Variants in HS6ST3 observed in about 807,000 individuals in gnomAD.
The protein encoded by HS6ST3 is heparan sulfate 6-O-sulfotransferase 3.
Under a neutral mutation model 36.7 loss-of-function variants are expected in HS6ST3, and 12 were observed. That is an observed-to-expected ratio of 0.33 (90% CI 0.21 to 0.53). The LOEUF is 0.53. Ranked by LOEUF, HS6ST3 falls within the 20% of genes least tolerant of loss-of-function variation. HS6ST3 has a pLI of 0.95. For missense variants in HS6ST3, 584 were observed against 640.9 expected (o/e 0.91, Z 0.96); for synonymous variants, 240 against 257.5 (o/e 0.93, Z 0.65).
chr13:96,743,864 C>T (rs1876500912), intron 1 of HS6ST3, among the ~76,000 whole-genome samples: 1 of 151,996 alleles, frequency 6.6e-6, no homozygotes, highest in Non-Finnish European at 1.5e-5. Flanking sequence ...TTTATTGGAG[C>T]ATGGTACTAC....
intron 1 of HS6ST3, among the ~76,000 whole-genome samples, chr13:96,131,787 A>G (rs1009632363): frequency 1.3e-5 from 2 of 151,228 alleles, no homozygotes; most frequent in Admixed American, 6.6e-5. Flanking sequence ...CCTAGAAAAT[A>G]AAATGTCTAA....
Position 96,451,463 on chromosome 13 carries a change from G to C in HS6ST3, c.707+359894G>C, listed in dbSNP as rs2055727744. Among the ~76,000 whole-genome samples the C allele has an allele frequency of 1.3e-5, 2 of 151,976 alleles. 1 individual carries two copies. Among genetic ancestry groups the C allele is most frequent in the South Asian group, 4.2e-4 (2 of 4,816 alleles). On this transcript the variant is annotated intron_variant, in intron 1 of 1. Coordinates refer to ENST00000376705, the MANE Select transcript of HS6ST3 (RefSeq NM_153456.4). ...GCTTTATCTTAGCTTTCCAAGCAAG[G>C]GTATTAATTTAATTCAGATGCTGCA... is the stretch of plus-strand genomic sequence containing the variant.
At chr13:96,490,658 T>C (rs1362945025) in intron 1 of HS6ST3, among the ~76,000 whole-genome samples, 2 of 152,198 alleles carry the variant, frequency 1.3e-5, no homozygotes, top group African/African-American at 4.8e-5. Context: ...ATGGTTCTGA[T>C]GTCACTTGAG....
chr13:96,739,338 T>C (rs1386635426), intron 1 of HS6ST3, among the ~76,000 whole-genome samples: 1 of 151,622 alleles, frequency 6.6e-6, no homozygotes, highest in Admixed American at 6.6e-5. Flanking sequence ...TGCCTTTGAC[T>C]CTCGAGTGTT....
chr13:96,487,362 A>C (rs1250996898), intron 1 of HS6ST3, among the ~76,000 whole-genome samples: 1 of 152,080 alleles, frequency 6.6e-6, no homozygotes, highest in East Asian at 1.9e-4. Context: ...TGTTGAGTTG[A>C]TGTTGGCTTA....
chr13:96,318,414 C>G (rs187614757), intron 1 of HS6ST3, among the ~76,000 whole-genome samples: 1 of 152,172 alleles, frequency 6.6e-6, no homozygotes, highest in Non-Finnish European at 1.5e-5. Flanking sequence ...TGCCTGTAAT[C>G]CCAGCTACTT....
chr13:96,733,535 G>A (rs1250402327), intron 1 of HS6ST3, among the ~76,000 whole-genome samples: 1 of 152,048 alleles, frequency 6.6e-6, no homozygotes, highest in African/African-American at 2.4e-5. Flanking sequence ...TCTTATTCCA[G>A]GTAGTGTTAT....
intron 1 of HS6ST3, among the ~76,000 whole-genome samples, chr13:96,490,167 A>C (rs945096088): frequency 3.3e-5 from 5 of 152,194 alleles, no homozygotes; most frequent in African/African-American, 9.7e-5. Context: ...ATTCTTTAAA[A>C]TATTTTTGGA....
At chr13:96,682,361 C>T (rs1240741926) in intron 1 of HS6ST3, among the ~76,000 whole-genome samples, 2 of 152,088 alleles carry the variant, frequency 1.3e-5, no homozygotes, top group Non-Finnish European at 2.9e-5. Flanking sequence ...AAAATCTTGC[C>T]TCCTGAAGCT....
chr13:96,152,564 C>T (rs2054091498), intron 1 of HS6ST3, among the ~76,000 whole-genome samples: 1 of 152,068 alleles, frequency 6.6e-6, no homozygotes, highest in Non-Finnish European at 1.5e-5. Flanking sequence ...GTCTCCATCT[C>T]CTGACCTTGC....
intron 1 of HS6ST3, among the ~76,000 whole-genome samples, chr13:96,448,630 A>G (rs557754596): frequency 1.8e-4 from 27 of 151,880 alleles, no homozygotes; most frequent in African/African-American, 6.5e-4. Context: ...GCCCCTGTAC[A>G]TTTTTTCCTT....
rs556005249 is a variant in HS6ST3 at position 96,509,297 on chromosome 13, G to C, written c.708-323193G>C. 2.0e-5 allele frequency among the ~76,000 whole-genome samples: 3 copies of C among 152,156 alleles called. No individual in the cohort carries two copies. The East Asian group carries it at 5.8e-4, about 29-fold the overall frequency. On this transcript the variant is annotated intron_variant, in intron 1 of 1. Coordinates refer to ENST00000376705, the MANE Select transcript of HS6ST3 (RefSeq NM_153456.4). ...GTTTGCAAATATTTTCTCCCATTCT[G>C]TGTGTTGTCTGTTTACTCTATTATT... is the stretch of plus-strand genomic sequence containing the variant.
At chr13:96,799,532 CAA>C (rs1402186500) in intron 1 of HS6ST3, among the ~76,000 whole-genome samples, 1 of 150,008 alleles carries the variant, frequency 6.7e-6, no homozygotes, top group Non-Finnish European at 1.5e-5. Context: ...ATCGCAAGAA[CAA>C]AAAACCAAAC....
chr13:96,622,898 A>C (rs537404993), intron 1 of HS6ST3, among the ~76,000 whole-genome samples: 1 of 152,068 alleles, frequency 6.6e-6, no homozygotes, highest in Non-Finnish European at 1.5e-5. Context: ...CTCTATTTCT[A>C]GACATTCCAG....
chr13:96,783,677 A>G (rs1164833221), intron 1 of HS6ST3, among the ~76,000 whole-genome samples: 1 of 151,720 alleles, frequency 6.6e-6, no homozygotes, highest in Non-Finnish European at 1.5e-5. Flanking sequence ...TTTGTTAGGC[A>G]ATTTGAGACA....
chr13:96,118,645 G>GATAGATATATATAT (rs2053905275), intron 1 of HS6ST3, among the ~76,000 whole-genome samples: 2 of 42,764 alleles, frequency 4.7e-5, no homozygotes, highest in Non-Finnish European at 7.8e-5. Context: ...GAACATTAAA[G>GATAGATATATATAT]ATATATATAT....
chr13:96,692,467 A>C (rs1053043767), intron 1 of HS6ST3, among the ~76,000 whole-genome samples: 1 of 152,162 alleles, frequency 6.6e-6, no homozygotes, highest in African/African-American at 2.4e-5. Flanking sequence ...ATGAATGTGA[A>C]TGGAACCCAC....
At chr13:96,711,964 G>C (rs1030249209) in intron 1 of HS6ST3, among the ~76,000 whole-genome samples, 1 of 152,194 alleles carries the variant, frequency 6.6e-6, no homozygotes, top group South Asian at 2.1e-4. Flanking sequence ...AGATCAGTTA[G>C]TATTCTACTT....
chr13:96,494,420 A>G (rs922698067), intron 1 of HS6ST3, among the ~76,000 whole-genome samples: 1 of 150,982 alleles, frequency 6.6e-6, no homozygotes, highest in Non-Finnish European at 1.5e-5. Context: ...GAGGGATAGC[A>G]TTAGGAGATA....
Sources: gnomAD v4.1 joint callset for allele counts (sites outside exome capture counted in the v4.1 genomes callset) on GRCh38, gnomAD v4.1.1 for gene constraint, MANE v1.5 for transcripts, NCBI Gene and HGNC (gene_info 2026-07-23, HGNC 2026-07-21) for gene names.